LRRC4C: variants seen among roughly 807,000 people sequenced by gnomAD.
The protein encoded by LRRC4C is leucine rich repeat containing 4C.
A neutral mutation model predicts 33.6 loss-of-function variants in LRRC4C; 5 were observed. The ratio of observed to expected loss-of-function variants is 0.15; its 90% confidence interval spans 0.08 to 0.31. The LOEUF (loss-of-function observed/expected upper bound fraction) is 0.31. Among genes scored for constraint, LRRC4C ranks in the 10% least tolerant of loss-of-function variants. The pLI is 1.00. For missense variants in LRRC4C, 560 were observed against 796.7 expected (o/e 0.70, Z 3.58); for synonymous variants, 329 against 302.0 (o/e 1.09, Z -0.93).
intron 2 of LRRC4C, among the ~76,000 whole-genome samples, chr11:40,774,995 C>G (rs1030619788): frequency 6.6e-6 from 1 of 151,494 alleles, no homozygotes; most frequent in African/African-American, 2.4e-5. Context: ...ATATAAAAAC[C>G]TATATTACCT....
chr11:40,581,210 T>C (rs1326826852), intron 3 of LRRC4C, among the ~76,000 whole-genome samples: 1 of 152,244 alleles, frequency 6.6e-6, no homozygotes, highest in Non-Finnish European at 1.5e-5. Flanking sequence ...CATGTTCAAC[T>C]ATAGAAGCTC....
intron 1 of LRRC4C, among the ~76,000 whole-genome samples, chr11:41,355,516 T>C (rs1352085888): frequency 6.6e-6 from 1 of 152,136 alleles, no homozygotes; most frequent in African/African-American, 2.4e-5. Context: ...ATTCATGTTG[T>C]TAATTCTTCC....
intron 1 of LRRC4C, among the ~76,000 whole-genome samples, chr11:41,431,354 A>T (rs1955227259): frequency 6.6e-6 from 1 of 151,916 alleles, no homozygotes; most frequent in Admixed American, 6.6e-5. Flanking sequence ...GAGAAAGTTA[A>T]TTTTTAATAA....
In LRRC4C at chr11:40,427,103, A is replaced by G. The variant is rs992185861; in HGVS notation, c.-269-107382T>C. On this transcript the variant is annotated intron_variant, in intron 3 of 6. Coordinates refer to ENST00000528697, the MANE Select transcript of LRRC4C (RefSeq NM_001258419.2). ...GATATACAGAAGAGACAGGAAAAAC[A>G]TGAGTAAGCCTAGTATTCATAATAA... Among the ~76,000 whole-genome samples the G allele has an allele frequency of 3.3e-5, 5 of 152,358 alleles. No individual in the cohort carries two copies. In the South Asian group the frequency reaches 1.0e-3, roughly 32 times the overall value.
intron 1 of LRRC4C, among the ~76,000 whole-genome samples, chr11:41,123,677 A>AT (rs11422792): frequency 0.21 from 31,481 of 151,806 alleles, 3,436 homozygotes; most frequent in Non-Finnish European, 0.24. Flanking sequence ...AGTTCACTCA[A>AT]TTTTTTCTCA....
chr11:40,458,794 ATTT>A (rs1278673473), intron 3 of LRRC4C, among the ~76,000 whole-genome samples: 1 of 152,194 alleles, frequency 6.6e-6, no homozygotes, highest in Non-Finnish European at 1.5e-5. Flanking sequence ...ATGTTACTGT[ATTT>A]TAATATATTC....
Position 41,146,145 on chromosome 11 carries a change from C to T in LRRC4C, c.-495-212422G>A, listed in dbSNP as rs527569743. Among the ~76,000 whole-genome samples, 30 of 152,186 alleles carry T rather than the reference C, an allele frequency of 2.0e-4. No homozygotes were observed. In the South Asian group the frequency reaches 3.7e-3, roughly 19 times the overall value. ...CTATTTTGCATTTCTTTATACACAC[C>T]CATCATCCAGCAAAGGGTGGCCTTG... On this transcript the variant is annotated intron_variant, in intron 1 of 6. Transcript: ENST00000528697.
At chr11:40,155,145 A>C (rs1164498964) in intron 5 of LRRC4C, among the ~76,000 whole-genome samples, 1 of 152,182 alleles carries the variant, frequency 6.6e-6, no homozygotes. Flanking sequence ...GAAAATTAAA[A>C]AATTCTTCAA....
intron 3 of LRRC4C, among the ~76,000 whole-genome samples, chr11:40,438,925 A>C (rs1041477909): frequency 2.3e-5 from 3 of 129,188 alleles, no homozygotes; most frequent in South Asian, 2.6e-4. Flanking sequence ...ATGAATTGCT[A>C]CTTTTTTTTT....
chr11:40,358,384 A>G (rs114183088), intron 3 of LRRC4C, among the ~76,000 whole-genome samples: 2,184 of 152,084 alleles, frequency 0.014, 46 homozygotes, highest in African/African-American at 0.049. Flanking sequence ...GGGCTTAAGC[A>G]ATCCTCTCAC....
At chr11:40,875,832 C>T (rs942471768) in intron 2 of LRRC4C, among the ~76,000 whole-genome samples, 3 of 152,062 alleles carry the variant, frequency 2.0e-5, no homozygotes, top group African/African-American at 7.2e-5. Context: ...ATTATTATCA[C>T]ATTGTAATAT....
At chr11:40,173,030 A>G (rs1860178586) in intron 5 of LRRC4C, among the ~76,000 whole-genome samples, 1 of 152,222 alleles carries the variant, frequency 6.6e-6, no homozygotes, top group African/African-American at 2.4e-5. Flanking sequence ...GAAGCAGTAC[A>G]TCTACAAGCC....
intron 2 of LRRC4C, among the ~76,000 whole-genome samples, chr11:40,721,747 G>C (rs978260602): frequency 4.0e-5 from 6 of 151,218 alleles, no homozygotes; most frequent in African/African-American, 1.5e-4. Context: ...TCAGGAGATG[G>C]AGACCATCCT....
intron 3 of LRRC4C, among the ~76,000 whole-genome samples, chr11:40,646,105 A>T (rs1303473843): frequency 6.6e-6 from 1 of 151,848 alleles, no homozygotes; most frequent in African/African-American, 2.4e-5. Flanking sequence ...CTATTGAAAT[A>T]AATGGTGTGG....
chr11:41,366,101 T>C, intron 1 of LRRC4C, among the ~76,000 whole-genome samples: 1 of 152,082 alleles, frequency 6.6e-6, no homozygotes, highest in African/African-American at 2.4e-5. Flanking sequence ...AACTAGCTGG[T>C]AGAAATATTT....
chr11:40,157,196 T>C (rs1287912421), intron 5 of LRRC4C, among the ~76,000 whole-genome samples: 1 of 152,154 alleles, frequency 6.6e-6, no homozygotes, highest in African/African-American at 2.4e-5. Context: ...CTGGGGTAAT[T>C]GGCTAGTCAC....
chr11:40,272,272 A>G (rs1942763616), intron 4 of LRRC4C, among the ~76,000 whole-genome samples: 1 of 152,144 alleles, frequency 6.6e-6, no homozygotes, highest in Non-Finnish European at 1.5e-5. Context: ...TCATTCGCTA[A>G]CTGTGGAATA....
intron 1 of LRRC4C, among the ~76,000 whole-genome samples, chr11:41,263,057 A>C (rs182491836): frequency 3.3e-5 from 5 of 152,292 alleles, no homozygotes; most frequent in Admixed American, 6.5e-5. Flanking sequence ...TTTTGGTCAC[A>C]CAGGAAATAA....
chr11:40,953,183 G>A (rs1685793283), intron 1 of LRRC4C, among the ~76,000 whole-genome samples: 1 of 151,954 alleles, frequency 6.6e-6, no homozygotes, highest in South Asian at 2.1e-4. Flanking sequence ...TATCCCGAGA[G>A]GGACCCTATT....
Sources: gnomAD v4.1 joint callset for allele counts (sites outside exome capture counted in the v4.1 genomes callset) on GRCh38, gnomAD v4.1.1 for gene constraint, MANE v1.5 for transcripts, NCBI Gene and HGNC (gene_info 2026-07-23, HGNC 2026-07-21) for gene names.